The following CSMD1 variants were observed in gnomAD, a reference collection of about 807,000 sequenced individuals.
The protein encoded by CSMD1 is CUB and sushi domain-containing protein 1.
Under a neutral mutation model 417.5 loss-of-function variants are expected in CSMD1, and 213 were observed. The ratio of observed to expected loss-of-function variants is 0.51; its 90% CI spans 0.46 to 0.57. CSMD1 has a LOEUF of 0.57. Among genes scored for constraint, CSMD1 ranks in the 20% least tolerant of loss-of-function variants. The pLI, the probability that CSMD1 is intolerant of heterozygous loss-of-function variation, is 0.00. For missense variants in CSMD1, 6,923 were observed against 4,529.7 expected (o/e 1.53, Z -15.17); for synonymous variants, 2,862 against 1,736.8 (o/e 1.65, Z -16.11).
intron 10 of CSMD1, among the ~76,000 whole-genome samples, chr8:3,502,870 G>C (rs1170436412): frequency 1.3e-5 from 2 of 152,108 alleles, no homozygotes; most frequent in Non-Finnish European, 1.5e-5. Flanking sequence ...TGGTAATTCA[G>C]CATGAATCAA....
chr8:4,460,341 T>A (rs138645575), intron 2 of CSMD1, among the ~76,000 whole-genome samples: 2 of 152,094 alleles, frequency 1.3e-5, no homozygotes, highest in African/African-American at 4.8e-5. Context: ...AAGAATTGCA[T>A]AGAGGGAAAT....
intron 1 of CSMD1, among the ~76,000 whole-genome samples, chr8:4,945,493 TA>T (rs113591837): frequency 6.7e-6 from 1 of 148,510 alleles, no homozygotes. Flanking sequence ...CCAAGAGTTT[TA>T]AAAAAACAAA....
intron 4 of CSMD1, among the ~76,000 whole-genome samples, chr8:4,013,925 T>C (rs1796398321): frequency 1.3e-5 from 2 of 152,168 alleles, no homozygotes; most frequent in Admixed American, 6.5e-5. Flanking sequence ...ACAAAAAATG[T>C]TTACCAGCCC....
intron 3 of CSMD1, among the ~76,000 whole-genome samples, chr8:4,097,138 C>G (rs904564695): frequency 6.6e-6 from 1 of 152,138 alleles, no homozygotes; most frequent in Admixed American, 6.6e-5. Flanking sequence ...CTGCAACGAG[C>G]TGTTCATTTC....
At chr8:4,209,340 G>T (rs544301481) in intron 3 of CSMD1, among the ~76,000 whole-genome samples, 1 of 152,256 alleles carries the variant, frequency 6.6e-6, no homozygotes, top group East Asian at 1.9e-4. Flanking sequence ...AACTCACAGG[G>T]ACAGAAAGAA....
chr8:4,793,533 G>C (rs766118840), intron 1 of CSMD1, among the ~76,000 whole-genome samples: 3 of 151,900 alleles, frequency 2.0e-5, no homozygotes, highest in Admixed American at 2.0e-4. Context: ...CACAGTCATA[G>C]CTGTTCTGCT....
chr8:4,849,968 C>G (rs1934349284), intron 1 of CSMD1, among the ~76,000 whole-genome samples: 1 of 152,160 alleles, frequency 6.6e-6, no homozygotes, highest in African/African-American at 2.4e-5. Flanking sequence ...GCTAATGTGG[C>G]TGAACTTTTT....
At chr8:3,039,824 G>A (rs1269951264) in intron 50 of CSMD1, among the ~76,000 whole-genome samples, 3 of 152,170 alleles carry the variant, frequency 2.0e-5, no homozygotes, top group African/African-American at 4.8e-5. Context: ...AATTAAGCTC[G>A]TTTAGCACTG....
chr8:4,042,187 A>C (rs1797925376), intron 3 of CSMD1, among the ~76,000 whole-genome samples: 1 of 152,204 alleles, frequency 6.6e-6, no homozygotes, highest in South Asian at 2.1e-4. Context: ...AAGTTCAGTA[A>C]GTGTAAAATG....
intron 40 of CSMD1, among the ~76,000 whole-genome samples, chr8:3,148,492 T>C (rs1818985755): frequency 6.6e-6 from 1 of 152,190 alleles, no homozygotes; most frequent in Non-Finnish European, 1.5e-5. Context: ...GAAGTGTGGT[T>C]TGACATTTGA....
rs564955387 is a variant in CSMD1, at chr8:3,220,650, G to A, written c.4485-1208C>T. On this transcript the variant is annotated intron_variant, in intron 28 of 69. Transcript: ENST00000635120. The stretch of plus-strand genomic sequence containing the variant: ...GTTCGAGAACAGCCTGGCCAATATG[G>A]TGAAACCCTCTCTCTACTAAAAATA... Among the ~76,000 whole-genome samples, 3 of 152,092 alleles carry A rather than the reference G, an allele frequency of 2.0e-5. No individual in the cohort carries two copies. In the East Asian group the frequency reaches 5.8e-4, roughly 29 times the overall value.
intron 10 of CSMD1, among the ~76,000 whole-genome samples, chr8:3,543,734 G>C (rs1355536665): frequency 6.6e-6 from 1 of 152,206 alleles, no homozygotes; most frequent in East Asian, 1.9e-4. Context: ...GACATGCTGT[G>C]TTTGAGATGT....
intron 37 of CSMD1, among the ~76,000 whole-genome samples, chr8:3,176,497 G>A (rs572677180): frequency 2.6e-5 from 4 of 151,804 alleles, no homozygotes; most frequent in African/African-American, 7.3e-5. Context: ...TTTGAACTAG[G>A]GCAATTTTCA....
At chr8:3,002,830 A>G (rs919758102) in intron 52 of CSMD1, among the ~76,000 whole-genome samples, 5 of 152,108 alleles carry the variant, frequency 3.3e-5, no homozygotes, top group African/African-American at 1.2e-4. Flanking sequence ...CCCAACAGCA[A>G]CTCCTCTCTG....
intron 3 of CSMD1, among the ~76,000 whole-genome samples, chr8:4,055,891 C>G (rs1217298944): frequency 6.6e-6 from 1 of 151,938 alleles, no homozygotes; most frequent in African/African-American, 2.4e-5. Context: ...CACTTACATA[C>G]AAATGATGAG....
At chr8:4,435,838 T>G (rs1798119059) in intron 2 of CSMD1, among the ~76,000 whole-genome samples, 1 of 152,176 alleles carries the variant, frequency 6.6e-6, no homozygotes, top group African/African-American at 2.4e-5. Flanking sequence ...GGTGTGTGAC[T>G]CCAAAGCTCA....
intron 5 of CSMD1, among the ~76,000 whole-genome samples, chr8:3,977,344 A>G (rs1813512273): frequency 6.6e-6 from 1 of 152,184 alleles, no homozygotes; most frequent in Non-Finnish European, 1.5e-5. Context: ...TACTCAGCAA[A>G]GCAATGTCAA....
At chr8:4,820,418 C>A (rs1287420120) in intron 1 of CSMD1, among the ~76,000 whole-genome samples, 2 of 152,092 alleles carry the variant, frequency 1.3e-5, no homozygotes, top group Admixed American at 1.3e-4. Flanking sequence ...AAAATATACA[C>A]GAGAGCAAGA....
intron 7 of CSMD1, among the ~76,000 whole-genome samples, chr8:3,642,888 T>TAC (rs1051059586): frequency 6.6e-6 from 1 of 151,742 alleles, no homozygotes; most frequent in Non-Finnish European, 1.5e-5. Flanking sequence ...AGATTATACA[T>TAC]ACACACACAT....
Sources: gnomAD v4.1 joint callset for allele counts (sites outside exome capture counted in the v4.1 genomes callset) on GRCh38, gnomAD v4.1.1 for gene constraint, MANE v1.5 for transcripts, NCBI Gene and HGNC (gene_info 2026-07-23, HGNC 2026-07-21) for gene names.